Variants in CACNA2D2 observed in about 807,000 individuals in gnomAD.
The protein encoded by CACNA2D2 is calcium voltage-gated channel auxiliary subunit alpha2delta 2.
Under a neutral mutation model 166.4 loss-of-function variants are expected in CACNA2D2, and 48 were observed. The observed-to-expected ratio is 0.29, with a 90% CI of 0.23 to 0.37. The LOEUF (loss-of-function observed/expected upper bound fraction) is 0.37. Among genes scored for constraint, CACNA2D2 ranks in the 10% least tolerant of loss-of-function variants. The probability of loss-of-function intolerance (pLI) is 1.00; values close to 1 mark genes in which losing one functional copy is unlikely to be tolerated. For missense variants in CACNA2D2, 1,122 were observed against 1,433.0 expected, an observed-to-expected ratio of 0.78 and a Z score of 3.50; for synonymous variants, 561 against 573.7, an observed-to-expected ratio of 0.98 and a Z score of 0.32.
chr3:50,443,262 C>T (rs1162239506), intron 2 of CACNA2D2, among the ~76,000 whole-genome samples: 1 of 151,434 alleles, frequency 6.6e-6, no homozygotes, highest in Non-Finnish European at 1.5e-5. Context: ...CCCCTTGCCA[C>T]CCACCCTGGC....
In CACNA2D2 at chr3:50,368,186, T is replaced by C. The variant is rs765505578; in HGVS notation, c.2095A>G (p.Lys699Glu). 53 of 1,613,968 alleles carry C rather than the reference T, an allele frequency of 3.3e-5. No individual in the cohort carries two copies. In the East Asian group the frequency reaches 1.0e-3, roughly 31 times the overall value. Reference protein sequence around the residue: ...NASDNNTEFLKNFIELMEKVT... With the variant: ...NASDNNTEFLENFIELMEKVT... ...TTCTCCATGAGCTCAATAAAGTTTT[T>C]CAGGAACTCGGTGTTGTTGTCTGAG... The change falls in exon 24 of 38, where the codon AAA becomes GAA. Residue 699 changes from lysine (K) to glutamate (E), a missense_variant. Physicochemically the swap from Lys to Glu is moderately conservative, Grantham distance 56 (BLOSUM62 1). Transcript: ENST00000424201.
rs561009302 is a variant in CACNA2D2, at chr3:50,430,827, T to A, written c.405+3486A>T. 2.6e-5 allele frequency among the ~76,000 whole-genome samples: 4 copies of A among 152,130 alleles called. No homozygotes were observed. In the East Asian group the frequency reaches 7.7e-4, roughly 29 times the overall value. ...GTTCAGAGGCCCCCATCTCCCTAGGTAGTCAAAGTTCCAAGACAGGTACCC... is the reference window on the plus strand; with the variant it reads ...GTTCAGAGGCCCCCATCTCCCTAGGAAGTCAAAGTTCCAAGACAGGTACCC... On this transcript the variant is annotated intron_variant, in intron 3 of 37. Coordinates refer to ENST00000424201, the MANE Select transcript of CACNA2D2 (RefSeq NM_006030.4).
At chr3:50,455,257 G>A (rs926001095) in intron 2 of CACNA2D2, among the ~76,000 whole-genome samples, 1 of 152,204 alleles carries the variant, frequency 6.6e-6, no homozygotes, top group African/African-American at 2.4e-5. Context: ...ATTTGGTGGC[G>A]CTCACTCATT....
intron 3 of CACNA2D2, among the ~76,000 whole-genome samples, chr3:50,414,046 T>C (rs1707156987): frequency 6.6e-6 from 1 of 151,938 alleles, no homozygotes; most frequent in Non-Finnish European, 1.5e-5. Flanking sequence ...TGGCCATCTG[T>C]CTTCCAAAGC....
intron 3 of CACNA2D2, chr3:50,415,975 A>G (rs1349758449): frequency 1.3e-5 from 2 of 152,284 alleles, no homozygotes; most frequent in Non-Finnish European, 2.9e-5. Context: ...TGCCGTGCTC[A>G]CTTGCCCTCT....
At chr3:50,477,864 C>T (rs1697863902) in intron 1 of CACNA2D2, among the ~76,000 whole-genome samples, 1 of 152,120 alleles carries the variant, frequency 6.6e-6, no homozygotes, top group Non-Finnish European at 1.5e-5. Flanking sequence ...ACTGTTCTGG[C>T]TCCATGGATC....
rs758756262 is a variant in CACNA2D2, at chr3:50,367,446, G to A, written c.2349C>T (p.Tyr783=). Residue 783 remains tyrosine, a synonymous_variant, in exon 27 of 38, where the codon TAC becomes TAT. Transcript: ENST00000424201. This position sits in a 1 kb window ranked among gnomAD's most constrained non-coding sequence, Gnocchi z 6.5. ...ENPEPFNASF[Y]RRSLDNHGYV... Reference sequence around the variant, plus strand: ...AACCGTGGTTATCCAGGCTGCGGCGGTAGAAGCTGGCATTGAAGGGCTCAG... The same window carrying A: ...AACCGTGGTTATCCAGGCTGCGGCGATAGAAGCTGGCATTGAAGGGCTCAG... The A allele has an allele frequency of 1.9e-5, 30 of 1,613,844 alleles. No individual in the cohort carries two copies. The highest frequency in any genetic ancestry group is 4.0e-5 in the African/African-American group (3 of 74,942).
chr3:50,415,511 GAAAA>G (rs1162529278), intron 3 of CACNA2D2, among the ~76,000 whole-genome samples: 1 of 152,144 alleles, frequency 6.6e-6, no homozygotes, highest in East Asian at 1.9e-4. Context: ...GCTGACAAAT[GAAAA>G]AAAAGTTGCT....
intron 2 of CACNA2D2, among the ~76,000 whole-genome samples, chr3:50,440,476 C>T (rs1485273236): frequency 6.6e-6 from 1 of 152,278 alleles, no homozygotes; most frequent in African/African-American, 2.4e-5. Context: ...CTGTCACACA[C>T]AGGTTTTGTA....
At chr3:50,419,037 G>A (rs1707416935) in intron 3 of CACNA2D2, among the ~76,000 whole-genome samples, 1 of 152,158 alleles carries the variant, frequency 6.6e-6, no homozygotes, top group Admixed American at 6.5e-5. Flanking sequence ...TGGGGGAGGT[G>A]AGAGGAACAT....
At chr3:50,425,515 C>T (rs994294316) in intron 3 of CACNA2D2, among the ~76,000 whole-genome samples, 2 of 152,198 alleles carry the variant, frequency 1.3e-5, no homozygotes, top group Non-Finnish European at 1.5e-5. Flanking sequence ...ATCATCCTGG[C>T]CACCGGCTCG....
At chr3:50,488,840 C>T (rs1274375614) in intron 1 of CACNA2D2, among the ~76,000 whole-genome samples, 1 of 151,942 alleles carries the variant, frequency 6.6e-6, no homozygotes, top group Non-Finnish European at 1.5e-5. Context: ...CCTGGGACTA[C>T]GGGCGCCCAC....
chr3:50,458,587 G>A (rs1709465309), intron 2 of CACNA2D2, among the ~76,000 whole-genome samples: 1 of 152,190 alleles, frequency 6.6e-6, no homozygotes, highest in African/African-American at 2.4e-5. Flanking sequence ...CAAACAGTAA[G>A]GACTCAGCTG....
intron 1 of CACNA2D2, among the ~76,000 whole-genome samples, chr3:50,477,239 T>C (rs961811350): frequency 1.3e-5 from 2 of 152,178 alleles, no homozygotes; most frequent in Non-Finnish European, 2.9e-5. Flanking sequence ...CACCCTGGGA[T>C]TGTTTTAACC....
At chr3:50,373,894 T>C (rs1339241141) in intron 22 of CACNA2D2, among the ~76,000 whole-genome samples, 1 of 47,014 alleles carries the variant, frequency 2.1e-5, no homozygotes, top group African/African-American at 1.1e-4. Context: ...AGAGGCACCA[T>C]GGGAAGGGGG....
intron 23 of CACNA2D2, 55 bp from the exon 24 acceptor site, chr3:50,368,290 G>C: frequency 9.0e-7 from 1 of 1,111,670 alleles, no homozygotes; most frequent in African/African-American, 1.5e-5. Flanking sequence ...CAGGGCAATG[G>C]GGTCAAGGCT....
chr3:50,429,764 C>T (rs1158323648), intron 3 of CACNA2D2, among the ~76,000 whole-genome samples: 11 of 150,562 alleles, frequency 7.3e-5, no homozygotes, highest in Non-Finnish European at 1.3e-4. Context: ...AGTGAGACTC[C>T]GTCTCGAAAA....
chr3:50,478,850 C>T (rs1697916137), intron 1 of CACNA2D2, among the ~76,000 whole-genome samples: 1 of 152,150 alleles, frequency 6.6e-6, no homozygotes, highest in African/African-American at 2.4e-5. Context: ...CAGGAATTGG[C>T]AAATGCTAGA....
rs1340855045 is a variant in CACNA2D2 at position 50,380,068 on chromosome 3, GTCCT to G, written c.843-54_843-51del. The stretch of plus-strand genomic sequence containing the variant: ...GGTAAGGCCCACTGGGACCTTGTGG[GTCCT>G]TCCTTCCTTCACATACATATTGATT... On this transcript the variant is annotated intron_variant, in intron 8 of 37. Transcript: ENST00000424201. This position sits in a 1 kb window ranked among gnomAD's most constrained non-coding sequence, Gnocchi z 4.9. 4.4e-6 allele frequency: 7 copies of G among 1,586,014 alleles called. No homozygotes were observed. The highest frequency in any genetic ancestry group is 1.3e-5 in the African/African-American group (1 of 74,320).
Sources: allele counts gnomAD v4.1 joint callset (sites outside exome capture counted in the v4.1 genomes callset), GRCh38; gene constraint gnomAD v4.1.1; non-coding constraint Gnocchi (gnomAD v3.1); transcripts MANE v1.5; gene names NCBI Gene and HGNC (gene_info 2026-07-23, HGNC 2026-07-21).